The following NELL1 variants were observed in gnomAD, a reference collection of about 807,000 sequenced individuals.
NELL1 encodes the protein neural EGFL like 1.
A neutral mutation model predicts 107.4 loss-of-function variants in NELL1; 76 were observed. The observed-to-expected ratio is 0.71, with a 90% CI of 0.59 to 0.86. NELL1 has a LOEUF of 0.86. Ranked by LOEUF, NELL1 falls within the 40% of genes least tolerant of loss-of-function variation. The pLI, the probability that NELL1 is intolerant of heterozygous loss-of-function variation, is 0.00. For missense variants in NELL1, 1,024 were observed against 1,005.5 expected, an observed-to-expected ratio of 1.02 and a Z score of -0.25; for synonymous variants, 353 against 341.2, an observed-to-expected ratio of 1.03 and a Z score of -0.38.
chr11:21,080,620 C>G (rs1854244219), intron 12 of NELL1, among the ~76,000 whole-genome samples: 1 of 151,922 alleles, frequency 6.6e-6, no homozygotes, highest in African/African-American at 2.4e-5. Flanking sequence ...AGGTTTACTT[C>G]CAAAAAGAAC....
chr11:20,964,551 A>G (rs1733023108), intron 12 of NELL1, among the ~76,000 whole-genome samples: 1 of 152,206 alleles, frequency 6.6e-6, no homozygotes, highest in Non-Finnish European at 1.5e-5. Flanking sequence ...ACTCCATTTT[A>G]TGAGTACAGA....
chr11:21,189,077 A>G (rs1020364719), intron 13 of NELL1, among the ~76,000 whole-genome samples: 5 of 151,916 alleles, frequency 3.3e-5, no homozygotes, highest in African/African-American at 9.7e-5. Flanking sequence ...ATCATAATGT[A>G]TATATTCAAC....
In NELL1 at chr11:21,202,404, T is replaced by C. The variant is rs557020243; in HGVS notation, c.1427-26928T>C. Among the ~76,000 whole-genome samples the C allele has an allele frequency of 4.6e-5, 7 of 152,338 alleles. No individual in the cohort carries two copies. The South Asian group carries it at 1.4e-3, about 32-fold the overall frequency. ...TCTATTTCTTCTAGATTTTCTAGTT[T>C]ATTTGCATAGAGGTGTTTATAGTAT... is the stretch of plus-strand genomic sequence containing the variant. On this transcript the variant is annotated intron_variant, in intron 13 of 19. Coordinates refer to ENST00000357134, the MANE Select transcript of NELL1 (RefSeq NM_006157.5).
intron 14 of NELL1, among the ~76,000 whole-genome samples, chr11:21,342,829 A>G (rs1262322568): frequency 2.0e-5 from 3 of 152,092 alleles, no homozygotes; most frequent in Non-Finnish European, 2.9e-5. Context: ...TTTTCTTATT[A>G]CATTCAGTAT....
chr11:20,977,035 T>G (rs1476187728), intron 12 of NELL1, among the ~76,000 whole-genome samples: 2 of 152,110 alleles, frequency 1.3e-5, no homozygotes, highest in Non-Finnish European at 1.5e-5. Context: ...GTATGATGTT[T>G]CTGAATATGT....
chr11:21,307,623 A>G (rs1485036445), intron 14 of NELL1, among the ~76,000 whole-genome samples: 1 of 152,004 alleles, frequency 6.6e-6, no homozygotes, highest in Non-Finnish European at 1.5e-5. Context: ...ATTCTGCCCA[A>G]TGGAGTAGAG....
intron 15 of NELL1, chr11:21,504,311 C>T (rs1057022235): frequency 1.3e-5 from 2 of 152,288 alleles, no homozygotes; most frequent in South Asian, 2.1e-4. Flanking sequence ...AATCCATTCA[C>T]GTTCATTATC....
At chr11:21,240,292 C>G (rs946805013) in intron 14 of NELL1, among the ~76,000 whole-genome samples, 9 of 151,986 alleles carry the variant, frequency 5.9e-5, no homozygotes, top group Non-Finnish European at 1.0e-4. Context: ...AAAATAACTT[C>G]AAATTGTTTT....
intron 15 of NELL1, among the ~76,000 whole-genome samples, chr11:21,511,030 T>A (rs1855422801): frequency 6.6e-6 from 1 of 152,156 alleles, no homozygotes; most frequent in African/African-American, 2.4e-5. Flanking sequence ...TGTCTCCTCA[T>A]CTGTAAAATA....
At chr11:20,779,128 T>TAC (rs1459743598) in intron 2 of NELL1, among the ~76,000 whole-genome samples, 1 of 152,154 alleles carries the variant, frequency 6.6e-6, no homozygotes, top group Non-Finnish European at 1.5e-5. Context: ...CAACTGTAAT[T>TAC]CACCAGTTAA....
At chr11:21,506,696 A>T (rs1372535592) in intron 15 of NELL1, among the ~76,000 whole-genome samples, 1 of 152,226 alleles carries the variant, frequency 6.6e-6, no homozygotes, top group Non-Finnish European at 1.5e-5. Context: ...GCCTAAATCC[A>T]CTATGTTCTT....
intron 3 of NELL1, among the ~76,000 whole-genome samples, chr11:20,831,893 G>A (rs1008330621): frequency 6.6e-6 from 1 of 152,138 alleles, no homozygotes; most frequent in African/African-American, 2.4e-5. Context: ...TTAGGCAAAT[G>A]TTCACTTACA....
At chr11:21,068,412 A>G (rs1406017226) in intron 12 of NELL1, among the ~76,000 whole-genome samples, 2 of 152,238 alleles carry the variant, frequency 1.3e-5, no homozygotes, top group African/African-American at 4.8e-5. Flanking sequence ...AAGTAGGACC[A>G]TCTGAGTCAA....
chr11:20,771,063 T>A (rs1363208158), intron 2 of NELL1, among the ~76,000 whole-genome samples: 3 of 150,372 alleles, frequency 2.0e-5, no homozygotes. Context: ...AAATTACATA[T>A]TTGAAGCTTA....
At chr11:21,086,414 A>C (rs1854392682) in intron 12 of NELL1, among the ~76,000 whole-genome samples, 1 of 152,190 alleles carries the variant, frequency 6.6e-6, no homozygotes, top group South Asian at 2.1e-4. Context: ...TCATTTACTA[A>C]ATATTATCTT....
intron 16 of NELL1, among the ~76,000 whole-genome samples, chr11:21,545,336 T>G (rs1361692152): frequency 1.3e-5 from 2 of 151,942 alleles, no homozygotes; most frequent in East Asian, 3.9e-4. Flanking sequence ...AAAAGGATTG[T>G]GAAGCAGGAT....
At chr11:21,242,076 C>T (rs529162344) in intron 14 of NELL1, among the ~76,000 whole-genome samples, 4 of 151,910 alleles carry the variant, frequency 2.6e-5, no homozygotes, top group Non-Finnish European at 5.9e-5. Flanking sequence ...TTCTCACTCT[C>T]AGCTCCTAAG....
At chr11:21,100,249 C>T (rs1319568792) in intron 12 of NELL1, among the ~76,000 whole-genome samples, 1 of 152,162 alleles carries the variant, frequency 6.6e-6, no homozygotes, top group African/African-American at 2.4e-5. Flanking sequence ...AAATCCTGAG[C>T]TCAGGCAATC....
intron 11 of NELL1, among the ~76,000 whole-genome samples, chr11:20,959,812 A>G (rs1325079619): frequency 6.6e-6 from 1 of 152,228 alleles, no homozygotes; most frequent in Non-Finnish European, 1.5e-5. Flanking sequence ...ACCTATGGAT[A>G]TGAAATATTT....
Sources: gnomAD v4.1 joint callset for allele counts (sites outside exome capture counted in the v4.1 genomes callset) on GRCh38, gnomAD v4.1.1 for gene constraint, MANE v1.5 for transcripts, NCBI Gene and HGNC (gene_info 2026-07-23, HGNC 2026-07-21) for gene names.